TTLL9: variants seen among roughly 807,000 people sequenced by gnomAD.
The protein encoded by TTLL9 is probable tubulin polyglutamylase TTLL9.
Under a neutral mutation model 65.6 loss-of-function variants are expected in TTLL9, and 47 were observed. That is an observed-to-expected ratio of 0.72 (90% CI 0.57 to 0.91). TTLL9 has a LOEUF of 0.91. Among genes scored for constraint, TTLL9 ranks in the 40% least tolerant of loss-of-function variants. The probability of loss-of-function intolerance (pLI) is 0.00; values close to 1 mark genes in which losing one functional copy is unlikely to be tolerated. For synonymous variants in TTLL9, 179 were observed against 204.8 expected, an observed-to-expected ratio of 0.87 and a Z score of 1.07; for missense variants, 537 against 568.8, an observed-to-expected ratio of 0.94 and a Z score of 0.57.
intron 6 of TTLL9, among the ~76,000 whole-genome samples, chr20:31,919,509 T>C (rs574190512): frequency 1.3e-5 from 2 of 152,336 alleles, no homozygotes; most frequent in South Asian, 2.1e-4. Flanking sequence ...ATTTCAGTAT[T>C]AGCCGGAGCA....
At chr20:31,899,606 C>T (rs1446399744) in intron 4 of TTLL9, among the ~76,000 whole-genome samples, 1 of 151,588 alleles carries the variant, frequency 6.6e-6, no homozygotes, top group Non-Finnish European at 1.5e-5. Context: ...AGCACTCCAG[C>T]CTGGGTGACA....
chr20:31,925,046 G>A lies in TTLL9; in HGVS notation c.702G>A (p.Met234Ile), dbSNP rs2063877315. ...ACCTGCGTGTCTATGTGCTGGTGAT[G>A]TCGGTGAGTAACAAAGGTGGGGGCC... ...KFDLRVYVLV[M>I]SVFAECLLWS... The change falls in exon 9 of 15, where the codon ATG (methionine) becomes ATA (isoleucine). Residue 234 changes from methionine to isoleucine, a missense_variant. Physicochemically the swap from Met to Ile is conservative, Grantham distance 10. Transcript: ENST00000535842. 1 of 1,614,108 alleles carries A rather than the reference G, an allele frequency of 6.2e-7. No individual in the cohort carries two copies. Among genetic ancestry groups the A allele is most frequent in the African/African-American group, 1.3e-5 (1 of 75,044 alleles).
Position 31,919,879 on chromosome 20 carries a change from G to A in TTLL9, c.520G>A (p.Gly174Arg), listed in dbSNP as rs774245539. 1.8e-5 allele frequency: 28 copies of A among 1,592,052 alleles called. No individual in the cohort carries two copies. Among genetic ancestry groups the A allele is most frequent in the Admixed American group, 1.2e-4 (7 of 56,962 alleles). ...CCCACCCCAGGTAGCCCGGTCTCAA[G>A]GGAAAGGCATCTTCCTCTTCCGTAG... Reference protein sequence around the residue: ...WIMKPVARSQGKGIFLFRRLK... With the variant: ...WIMKPVARSQRKGIFLFRRLK... The change falls in exon 7 of 15, where the codon GGG becomes AGG. Residue 174 changes from glycine (G) to arginine (R), a missense_variant. Physicochemically the swap from Gly to Arg is moderately radical, Grantham distance 125. Coordinates refer to ENST00000535842, the MANE Select transcript of TTLL9 (RefSeq NM_001008409.5).
At position 31,939,242 on chromosome 20, in the gene TTLL9, A is replaced by G; in HGVS notation, c.1219A>G (p.Asn407Asp). The change falls in exon 14 of 15, where the codon AAC (asparagine) becomes GAC (aspartate). Residue 407 changes from asparagine to aspartate, a missense_variant. Asn to Asp is a conservative substitution (Grantham distance 23). This residue lies in a region of TTLL9 where 205 missense variants were observed against 225.9 expected (regional missense o/e 0.91). Transcript: ENST00000535842. The stretch of plus-strand genomic sequence containing the variant: ...GGCTCCTGACCTGTCGGGAATGGGA[A>G]ACTTTGTGACCAACACACATCTCGG... Reference protein sequence around the residue: ...EGAPDLSGMGNFVTNTHLGCV... With the variant: ...EGAPDLSGMGDFVTNTHLGCV... The G allele has an allele frequency of 1.2e-6, 2 of 1,613,586 alleles. No homozygotes were observed. The highest frequency in any genetic ancestry group is 1.7e-6 in the Non-Finnish European group (2 of 1,179,806).
chr20:31,929,498 T>C (rs1402118473), intron 10 of TTLL9, among the ~76,000 whole-genome samples: 3 of 152,210 alleles, frequency 2.0e-5, no homozygotes, highest in Non-Finnish European at 4.4e-5. Context: ...GTAGGGAATT[T>C]TGTTGTCATT....
intron 14 of TTLL9, chr20:31,941,379 A>C (rs761768048): frequency 6.6e-6 from 1 of 152,104 alleles, no homozygotes; most frequent in Non-Finnish European, 1.5e-5. Flanking sequence ...CTGGACCCCC[A>C]TTTGAGTAGC....
chr20:31,932,087 C>G (rs1384859342), intron 10 of TTLL9, among the ~76,000 whole-genome samples: 1 of 152,146 alleles, frequency 6.6e-6, no homozygotes, highest in Non-Finnish European at 1.5e-5. Context: ...GCCTGTAATC[C>G]CAGCACTTTG....
chr20:31,877,182 T>C (rs933506928), intron 2 of TTLL9, among the ~76,000 whole-genome samples: 2 of 152,172 alleles, frequency 1.3e-5, no homozygotes. Context: ...AGATTTACCA[T>C]GTCTTTTGTG....
intron 10 of TTLL9, among the ~76,000 whole-genome samples, chr20:31,926,458 G>T (rs2063908726): frequency 6.6e-6 from 1 of 152,162 alleles, no homozygotes; most frequent in African/African-American, 2.4e-5. Flanking sequence ...AAATTGATTG[G>T]TATGACTCCT....
At chr20:31,873,866 AAGAAAGAAAG>A (rs2063000925) in intron 2 of TTLL9, among the ~76,000 whole-genome samples, 1 of 143,060 alleles carries the variant, frequency 7.0e-6, no homozygotes, top group African/African-American at 2.6e-5. Context: ...GAAAGAAAGA[AAGAAAGAAAG>A]AAAGAAAGAG....
intron 6 of TTLL9, among the ~76,000 whole-genome samples, chr20:31,915,522 C>T (rs1285947801): frequency 6.6e-6 from 1 of 152,106 alleles, no homozygotes; most frequent in Non-Finnish European, 1.5e-5. Flanking sequence ...CCTCCCAAAC[C>T]ATCAAGTAAT....
At chr20:31,894,674 A>G (rs1336723129) in intron 3 of TTLL9, among the ~76,000 whole-genome samples, 1 of 151,990 alleles carries the variant, frequency 6.6e-6, no homozygotes, top group Non-Finnish European at 1.5e-5. Flanking sequence ...ATACATATAC[A>G]TATATACACA....
At chr20:31,902,633 G>A (rs994470858) in intron 4 of TTLL9, among the ~76,000 whole-genome samples, 3 of 152,162 alleles carry the variant, frequency 2.0e-5, no homozygotes, top group Non-Finnish European at 4.4e-5. Context: ...TGTTATACAT[G>A]ATGCTGCTGT....
chr20:31,910,887 A>T (rs2063636157), intron 6 of TTLL9, among the ~76,000 whole-genome samples: 1 of 152,134 alleles, frequency 6.6e-6, no homozygotes, highest in African/African-American at 2.4e-5. Flanking sequence ...CAAAAATCTG[A>T]GTGGGGCCGA....
intron 12 of TTLL9, 69 bp downstream of exon 12, chr20:31,934,957 G>A: frequency 7.0e-7 from 1 of 1,432,242 alleles, no homozygotes. Context: ...GCCCAGGTTT[G>A]AATCCCAGCT....
chr20:31,887,883 C>CTTCTCTTCTCTTCTCTTCTCTTCTT (rs2063219104), intron 3 of TTLL9, among the ~76,000 whole-genome samples: 2 of 150,092 alleles, frequency 1.3e-5, no homozygotes, highest in Non-Finnish European at 3.0e-5. Flanking sequence ...CTTCTCTTCT[C>CTTCTCTTCTCTTCTCTTCTCTTCTT]TTCTCTTCTC....
At chr20:31,883,944 G>A (rs2063152613) in intron 2 of TTLL9, 2 of 426,422 alleles carry the variant, frequency 4.7e-6, no homozygotes, top group Admixed American at 4.3e-5. Flanking sequence ...TTTCACCAGT[G>A]CAATAAAGCA....
At chr20:31,901,667 C>T (rs2123475572) in intron 4 of TTLL9, among the ~76,000 whole-genome samples, 1 of 152,324 alleles carries the variant, frequency 6.6e-6, no homozygotes, top group Admixed American at 6.5e-5. Context: ...TCTTCCCAAC[C>T]TCAGGGCCCC....
intron 8 of TTLL9, 53 bp downstream of exon 8, chr20:31,923,106 C>A: frequency 7.0e-7 from 1 of 1,419,196 alleles, no homozygotes; most frequent in South Asian, 1.2e-5. Flanking sequence ...ATCAAACAGT[C>A]AGTCAACAAG....
Sources: gnomAD v4.1 joint callset for allele counts (sites outside exome capture counted in the v4.1 genomes callset) on GRCh38, gnomAD v4.1.1 for gene constraint, gnomAD v4.1.1 regional missense constraint, MANE v1.5 for transcripts, NCBI Gene and HGNC (gene_info 2026-07-23, HGNC 2026-07-21) for gene names.